Variants in TTLL4 observed in about 807,000 individuals in gnomAD.
TTLL4 encodes the protein tubulin tyrosine ligase like 4.
Under a neutral mutation model 122.7 loss-of-function variants are expected in TTLL4, and 85 were observed. The ratio of observed to expected loss-of-function variants is 0.69; its 90% CI spans 0.58 to 0.83. TTLL4 has a LOEUF of 0.83. Ranked by LOEUF, TTLL4 falls within the 40% of genes least tolerant of loss-of-function variation. The pLI, the probability that TTLL4 is intolerant of heterozygous loss-of-function variation, is 0.00. For missense variants in TTLL4, 1,363 were observed against 1,488.6 expected, an observed-to-expected ratio of 0.92 and a Z score of 1.39; for synonymous variants, 553 against 563.0, an observed-to-expected ratio of 0.98 and a Z score of 0.25.
chr2:218,738,077 T>C lies in TTLL4; in HGVS notation c.401T>C (p.Phe134Ser), dbSNP rs757231512. The change falls in exon 3 of 20, where the codon TTC (phenylalanine) becomes TCC (serine). Residue 134 changes from phenylalanine (F) to serine (S), a missense_variant. By Grantham distance (155) the Phe-to-Ser change is radical. Transcript: ENST00000392102. ...AAACCGTACCAGCAACTGGAGTCTT[T>C]CTGCTTGCGTTCGAGCCCGTCAGAA... The part of the protein sequence containing the change: ...RQKPYQQLES[F>S]CLRSSPSEKS... 2 of 1,613,990 alleles carry C rather than the reference T, an allele frequency of 1.2e-6. No homozygotes were observed. Among genetic ancestry groups the C allele is most frequent in the African/African-American group, 1.3e-5 (1 of 74,896 alleles).
chr2:218,725,954 A>T (rs1282060600), intron 1 of TTLL4, among the ~76,000 whole-genome samples: 1 of 152,248 alleles, frequency 6.6e-6, no homozygotes, highest in Non-Finnish European at 1.5e-5. Context: ...ATTGCATATC[A>T]TAATTAGGGT....
chr2:218,748,078 C>A, intron 11 of TTLL4, 27 bp from the exon 12 acceptor site: 1 of 1,613,940 alleles, frequency 6.2e-7, no homozygotes, highest in South Asian at 1.1e-5. Flanking sequence ...ACCATCTTAC[C>A]TCTGCCTTTT....
At chr2:218,755,438 T>C (rs1943132959), downstream of TTLL4, 1 of 152,144 alleles carries the variant, frequency 6.6e-6, no homozygotes, top group African/African-American at 2.4e-5. Flanking sequence ...TGAACTGTAT[T>C]TACAGAGATC....
intron 1 of TTLL4, among the ~76,000 whole-genome samples, chr2:218,718,867 A>G (rs1052403741): frequency 8.5e-5 from 13 of 152,174 alleles, no homozygotes; most frequent in African/African-American, 3.1e-4. Context: ...GTCTGGAGCC[A>G]GGGACATCAG....
chr2:218,728,996 G>A (rs1183166349), intron 2 of TTLL4, among the ~76,000 whole-genome samples: 2 of 143,086 alleles, frequency 1.4e-5, no homozygotes, highest in Non-Finnish European at 3.0e-5. Flanking sequence ...GCAATGGCAT[G>A]ATCTCGGCTC....
rs750563497 is a variant in TTLL4, at chr2:218,747,303, G to A, written c.2180G>A (p.Arg727Gln). ...KWIVKPPASA[R>Q]GIGIQVIHKW... ...TTCTGCTCCTAGCCAGCATCAGCTCGAGGCATTGGCATCCAGGTTATTCAC... is the reference window on the plus strand; with the variant it reads ...TTCTGCTCCTAGCCAGCATCAGCTCAAGGCATTGGCATCCAGGTTATTCAC... The change falls in exon 10 of 20, where the codon CGA becomes CAA. Residue 727 changes from arginine to glutamine, a missense_variant. Transcript: ENST00000392102. This position sits in a 1 kb window ranked among gnomAD's most constrained non-coding sequence, Gnocchi z 4.7. 4 of 1,614,036 alleles carry A rather than the reference G, an allele frequency of 2.5e-6. No homozygotes were observed. Among genetic ancestry groups the A allele is most frequent in the East Asian group, 2.2e-5 (1 of 44,882 alleles).
At chr2:218,757,780 C>T (rs538495102), downstream of TTLL4, among the ~76,000 whole-genome samples, 29 of 152,258 alleles carry the variant, frequency 1.9e-4, no homozygotes, top group African/African-American at 6.7e-4. Context: ...ACACAAAGAC[C>T]TTTCTACTTC....
At position 218,753,173 on chromosome 2, in the gene TTLL4, T is replaced by G; in HGVS notation, c.3246T>G (p.Asp1082Glu). 1.2e-6 allele frequency: 2 copies of G among 1,614,210 alleles called. No homozygotes were observed. Among genetic ancestry groups the G allele is most frequent in the Non-Finnish European group, 1.7e-6 (2 of 1,180,030 alleles). ...YKGFHMGVVS[D>E]SAPVWSLPTS... ...GGTTCCACATGGGAGTTGTCTCTGATTCTGCTCCAGTGGTGAGTGCTGCCA... is the reference window on the plus strand; with the variant it reads ...GGTTCCACATGGGAGTTGTCTCTGAGTCTGCTCCAGTGGTGAGTGCTGCCA... The change falls in exon 18 of 20, where the codon GAT (aspartate) becomes GAG (glutamate). Residue 1082 changes from aspartate (D) to glutamate (E), a missense_variant. Coordinates refer to ENST00000392102, the MANE Select transcript of TTLL4 (RefSeq NM_014640.5).
intron 2 of TTLL4, among the ~76,000 whole-genome samples, chr2:218,734,775 C>T (rs529401956): frequency 2.1e-4 from 32 of 152,098 alleles, no homozygotes; most frequent in Non-Finnish European, 2.8e-4. Context: ...GATTAAGTGA[C>T]GGGATTATGA....
At chr2:218,723,101 C>G (rs986149558) in intron 1 of TTLL4, among the ~76,000 whole-genome samples, 6 of 152,208 alleles carry the variant, frequency 3.9e-5, no homozygotes, top group Non-Finnish European at 8.8e-5. Context: ...TCACTTTCCC[C>G]TAGCATGACT....
In TTLL4 at chr2:218,736,847, G is replaced by A. The variant is rs555203867; in HGVS notation, c.-98-732G>A. On this transcript the variant is annotated intron_variant, in intron 2 of 19. Coordinates refer to ENST00000392102, the MANE Select transcript of TTLL4 (RefSeq NM_014640.5). The stretch of plus-strand genomic sequence containing the variant: ...AGATGTAAAATGAGTTTTTCAGATC[G>A]TCTTTTTTTTTTTTTTTTCTGAGAT... Among the ~76,000 whole-genome samples the A allele has an allele frequency of 7.2e-4, 91 of 126,892 alleles. 1 individual carries two copies. The highest frequency in any genetic ancestry group is 2.8e-3 in the African/African-American group (88 of 31,342). The allele number at this position is 126,892 out of a possible 152,430, so 83.2% of individuals were successfully genotyped here.
chr2:218,737,942 G>C lies in TTLL4; in HGVS notation c.266G>C (p.Ser89Thr), dbSNP rs760969926. Residue 89 changes from serine to threonine, a missense_variant, in exon 3 of 20, where the codon AGC becomes ACC. Transcript: ENST00000392102. ...TTCTTTTGCCCCAGCACTTTATGTA[G>C]CTCTGGGACCACGGCTGTCATTGCA... ...AYFFCPSTLC[S>T]SGTTAVIAGH... 1 of 1,614,166 alleles carries C rather than the reference G, an allele frequency of 6.2e-7. No individual in the cohort carries two copies.
downstream of TTLL4, among the ~76,000 whole-genome samples, chr2:218,757,404 A>G (rs1471225997): frequency 6.6e-6 from 1 of 152,268 alleles, no homozygotes; most frequent in East Asian, 1.9e-4. Context: ...GTCAGAGCAC[A>G]GAATCCCTGA....
In TTLL4 at chr2:218,720,503, T is replaced by C. The variant is rs574065607; in HGVS notation, c.-177-6766T>C. Among the ~76,000 whole-genome samples, 7 of 152,204 alleles carry C rather than the reference T, an allele frequency of 4.6e-5. No homozygotes were observed. In the East Asian group the frequency reaches 1.2e-3, roughly 25 times the overall value. The stretch of plus-strand genomic sequence containing the variant: ...CAGCCTGGTCAGCATGGTGAAACCC[T>C]GTCTCTACAAAAATACAAAAATTAT... On this transcript the variant is annotated intron_variant, in intron 1 of 19. Coordinates refer to ENST00000392102, the MANE Select transcript of TTLL4 (RefSeq NM_014640.5).
Position 218,747,717 on chromosome 2 carries a change from C to T in TTLL4, c.2370C>T (p.Ala790=). The change falls in exon 11 of 20, where the codon GCC becomes GCT. Residue 790 remains alanine, a synonymous_variant. Transcript: ENST00000392102. This position sits in a 1 kb window ranked among gnomAD's most constrained non-coding sequence, Gnocchi z 4.7. ...TTTCAGATGGACTGGTCCGCTTTGC[C>T]AGTTGCAAGTATGTGACAGTGGTGA... is the stretch of plus-strand genomic sequence containing the variant. ...YLFSDGLVRF[A]SCKYSPSMKS... The T allele has an allele frequency of 1.2e-6, 2 of 1,614,160 alleles. No homozygotes were observed. The highest frequency in any genetic ancestry group is 2.2e-5 in the South Asian group (2 of 91,088).
At position 218,747,532 on chromosome 2, in the gene TTLL4, T is replaced by G; in HGVS notation, c.2250-65T>G. 5 of 1,594,966 alleles carry G rather than the reference T, an allele frequency of 3.1e-6. No homozygotes were observed. The highest frequency in any genetic ancestry group is 4.3e-6 in the Non-Finnish European group (5 of 1,170,088). On this transcript the variant is annotated intron_variant, in intron 10 of 19. Transcript: ENST00000392102. The surrounding 1 kb of genome is among the most constrained non-coding windows in gnomAD (Gnocchi z 4.7). ...GGGGACTGTTAGCTGGCTTTTCCTG[T>G]GGCTTGGTTACCCACTGAGCCCCAT... is the stretch of plus-strand genomic sequence containing the variant.
At chr2:218,745,938 G>A (rs1228863222) in intron 7 of TTLL4, 137 bp downstream of exon 7, 10 of 882,682 alleles carry the variant, frequency 1.1e-5, no homozygotes, top group Non-Finnish European at 1.8e-5. Flanking sequence ...TCATAGGAGG[G>A]TGTAGCTCTG....
Position 218,738,408 on chromosome 2 carries a change from A to G in TTLL4, c.732A>G (p.Pro244=), listed in dbSNP as rs779021771. 2.5e-6 allele frequency: 4 copies of G among 1,613,994 alleles called. No homozygotes were observed. The South Asian group carries it at 3.3e-5, about 13-fold the overall frequency. The stretch of plus-strand genomic sequence containing the variant: ...CACAGGGCCTGAAGCCAGTATCGCC[A>G]CCCAAGATCCAGCCTGTCTCCTGGC... ...QTTQGLKPVS[P]PKIQPVSWHH... is the part of the protein sequence containing the mutation. Residue 244 remains proline (P), a synonymous_variant, in exon 3 of 20, where the codon CCA becomes CCG. Transcript: ENST00000392102.
In TTLL4 at chr2:218,747,703, C is replaced by G. The variant is rs1166822528; in HGVS notation, c.2356C>G (p.Leu786Val). The stretch of plus-strand genomic sequence containing the variant: ...GCGGATTTACCTCTTTTCAGATGGA[C>G]TGGTCCGCTTTGCCAGTTGCAAGTA... ...PLRIYLFSDG[L>V]VRFASCKYSP... The change falls in exon 11 of 20, where the codon CTG becomes GTG. Residue 786 changes from leucine (L) to valine (V), a missense_variant. Coordinates refer to ENST00000392102, the MANE Select transcript of TTLL4 (RefSeq NM_014640.5). The surrounding 1 kb of genome is among the most constrained non-coding windows in gnomAD (Gnocchi z 4.7). The G allele has an allele frequency of 1.2e-6, 2 of 1,614,114 alleles. No individual in the cohort carries two copies. The highest frequency in any genetic ancestry group is 1.7e-6 in the Non-Finnish European group (2 of 1,180,052).
Sources: allele counts gnomAD v4.1 joint callset (sites outside exome capture counted in the v4.1 genomes callset), GRCh38; gene constraint gnomAD v4.1.1; non-coding constraint Gnocchi (gnomAD v3.1); transcripts MANE v1.5; gene names NCBI Gene and HGNC (gene_info 2026-07-23, HGNC 2026-07-21).